SIK3: variants seen among roughly 807,000 people sequenced by gnomAD.
SIK3 encodes the protein serine/threonine-protein kinase SIK3.
A neutral mutation model predicts 144.2 loss-of-function variants in SIK3; 28 were observed. The observed-to-expected ratio is 0.19, with a 90% CI of 0.14 to 0.27. The LOEUF (loss-of-function observed/expected upper bound fraction) is 0.27. Ranked by LOEUF, SIK3 falls within the 10% of genes least tolerant of loss-of-function variation. The pLI is 1.00. For synonymous variants in SIK3, 686 were observed against 676.3 expected, an observed-to-expected ratio of 1.01 and a Z score of -0.22; for missense variants, 1,319 against 1,776.0, an observed-to-expected ratio of 0.74 and a Z score of 4.62.
intron 1 of SIK3, among the ~76,000 whole-genome samples, chr11:117,040,948 C>CTTTTTTTTTTTTTTTTTTTTTTTTTTT (rs369066520): frequency 8.6e-6 from 1 of 116,828 alleles, no homozygotes; most frequent in African/African-American, 3.3e-5. Flanking sequence ...TACCTGCCTC[C>CTTTTTTTTTTTTTTTTTTTTTTTTTTT]TTTTTTTTTT....
chr11:116,947,588 C>A, intron 3 of SIK3, among the ~76,000 whole-genome samples: 4 of 91,778 alleles, frequency 4.4e-5, no homozygotes, highest in South Asian at 2.8e-4. Context: ...TTTTTTGAGA[C>A]AGAGTCTTGC....
At chr11:116,947,451 A>C (rs1948708757) in intron 3 of SIK3, among the ~76,000 whole-genome samples, 1 of 150,460 alleles carries the variant, frequency 6.6e-6, no homozygotes, top group South Asian at 2.1e-4. Context: ...AGATGCTACA[A>C]AGAGGTCAAA....
At chr11:117,076,988 T>G (rs1437615858) in intron 1 of SIK3, among the ~76,000 whole-genome samples, 1 of 152,290 alleles carries the variant, frequency 6.6e-6, no homozygotes, top group East Asian at 1.9e-4. Flanking sequence ...AGACACTGTC[T>G]ATACTAAAAA....
intron 1 of SIK3, among the ~76,000 whole-genome samples, chr11:117,012,528 T>C (rs1951307032): frequency 6.6e-6 from 1 of 152,344 alleles, no homozygotes; most frequent in African/African-American, 2.4e-5. Context: ...AACTGATTCA[T>C]CTTCTGTCCC....
chr11:117,036,263 A>G (rs1952498760), intron 1 of SIK3, among the ~76,000 whole-genome samples: 1 of 152,106 alleles, frequency 6.6e-6, no homozygotes, highest in South Asian at 2.1e-4. Context: ...AGTTTCTCAT[A>G]GTAACGTAAA....
intron 6 of SIK3, among the ~76,000 whole-genome samples, chr11:116,891,978 T>C (rs1465554873): frequency 6.6e-6 from 1 of 152,160 alleles, no homozygotes; most frequent in Admixed American, 6.5e-5. Flanking sequence ...GGTGATGCTA[T>C]TCACTAAGGC....
At chr11:116,855,906 A>G (rs1942872997) in intron 21 of SIK3, among the ~76,000 whole-genome samples, 1 of 152,230 alleles carries the variant, frequency 6.6e-6, no homozygotes, top group South Asian at 2.1e-4. Context: ...TGCCTGGCAC[A>G]TGTGAGCTCA....
Position 116,849,955 on chromosome 11 carries a change from A to G in SIK3, c.3656-672T>C, listed in dbSNP as rs1443750488. ...ATCTTTCCCTGGATATCTAACCAGC[A>G]TGTAACACTTACCATGTCCAATTCC... On this transcript the variant is annotated intron_variant, in intron 21 of 24. Transcript: ENST00000445177. This position sits in a 1 kb window ranked among gnomAD's most constrained non-coding sequence, Gnocchi z 4.2. 6.6e-6 allele frequency among the ~76,000 whole-genome samples: 1 copy of G among 152,206 alleles called. No homozygotes were observed. The highest frequency in any genetic ancestry group is 1.5e-5 in the Non-Finnish European group (1 of 68,030).
At chr11:116,974,642 G>GT (rs1438492789) in intron 1 of SIK3, among the ~76,000 whole-genome samples, 1 of 152,084 alleles carries the variant, frequency 6.6e-6, no homozygotes, top group Non-Finnish European at 1.5e-5. Flanking sequence ...TAAGTGATCT[G>GT]CCTTGGACTC....
chr11:116,897,006 G>A (rs141555847), intron 5 of SIK3, among the ~76,000 whole-genome samples, 187 bp downstream of exon 5: 3,661 of 141,624 alleles, frequency 0.026, 80 homozygotes, highest in South Asian at 0.12. Context: ...CAGCCTGGGC[G>A]ACAGAGTGAG....
intron 1 of SIK3, among the ~76,000 whole-genome samples, chr11:116,966,997 C>G (rs1248119280): frequency 1.2e-5 from 1 of 85,640 alleles, no homozygotes; most frequent in Non-Finnish European, 2.0e-5. Flanking sequence ...GAGCAAGACT[C>G]TGTTTCAAAA....
intron 1 of SIK3, among the ~76,000 whole-genome samples, chr11:117,053,153 A>G (rs1565597842): frequency 6.6e-6 from 1 of 152,202 alleles, no homozygotes; most frequent in East Asian, 1.9e-4. Flanking sequence ...CCTGGCCAAC[A>G]CGGTAAAACC....
chr11:116,947,084 C>T (rs746582169), intron 3 of SIK3, among the ~76,000 whole-genome samples: 14 of 67,112 alleles, frequency 2.1e-4, no homozygotes, highest in Admixed American at 7.0e-4. Context: ...TGCACTCCAG[C>T]ATGGCCACAG....
chr11:116,927,964 A>T (rs1947371679), intron 3 of SIK3, among the ~76,000 whole-genome samples: 1 of 152,238 alleles, frequency 6.6e-6, no homozygotes, highest in Non-Finnish European at 1.5e-5. Flanking sequence ...ATAGCGATAT[A>T]CCTACATCTT....
chr11:116,940,868 TAATA>T (rs1489244864), intron 3 of SIK3, among the ~76,000 whole-genome samples: 2 of 151,862 alleles, frequency 1.3e-5, no homozygotes, highest in Non-Finnish European at 2.9e-5. Flanking sequence ...AAATGAATAA[TAATA>T]AATGGGAAAT....
At position 116,948,352 on chromosome 11, in the gene SIK3, A is replaced by G. The variant is rs146503809; in HGVS notation, c.454+5692T>C. 1.1e-3 allele frequency among the ~76,000 whole-genome samples: 170 copies of G among 152,172 alleles called. 2 individuals carry two copies. The East Asian group carries it at 0.027, about 24-fold the overall frequency. ...AAATGCATTGGCACAATCATGGCTCACTGCAGCCTTGACATCCTGGGCTCA... is the reference window on the plus strand; with the variant it reads ...AAATGCATTGGCACAATCATGGCTCGCTGCAGCCTTGACATCCTGGGCTCA... On this transcript the variant is annotated intron_variant, in intron 3 of 24. Coordinates refer to ENST00000445177, the MANE Select transcript of SIK3 (RefSeq NM_001366686.3).
At chr11:116,881,486 G>C (rs1183220979) in intron 6 of SIK3, among the ~76,000 whole-genome samples, 3 of 152,154 alleles carry the variant, frequency 2.0e-5, no homozygotes, top group African/African-American at 4.8e-5. Flanking sequence ...GTCCTAAAAT[G>C]AGAATTAAGT....
intron 6 of SIK3, among the ~76,000 whole-genome samples, chr11:116,877,254 G>A (rs1164124358): frequency 6.6e-6 from 1 of 152,226 alleles, no homozygotes; most frequent in Admixed American, 6.5e-5. Flanking sequence ...AAACTCAAGT[G>A]TGGTAGTCTG....
chr11:117,001,719 G>A (rs1003554164), intron 1 of SIK3, among the ~76,000 whole-genome samples: 4 of 152,110 alleles, frequency 2.6e-5, no homozygotes, highest in South Asian at 2.1e-4. Context: ...GCCTCCCAAA[G>A]TGCTAAAATT....
Sources: allele counts gnomAD v4.1 joint callset (sites outside exome capture counted in the v4.1 genomes callset), GRCh38; gene constraint gnomAD v4.1.1; non-coding constraint Gnocchi (gnomAD v3.1); transcripts MANE v1.5; gene names NCBI Gene and HGNC (gene_info 2026-07-23, HGNC 2026-07-21).